The following PPARG variants were observed in gnomAD, a reference collection of about 807,000 sequenced individuals.
PPARG encodes the protein peroxisome proliferator activated receptor gamma.
PPARG carries 17 observed loss-of-function variants against 39.2 expected under a neutral mutation model. That is an observed-to-expected ratio of 0.43 (90% CI 0.30 to 0.65). The LOEUF is 0.65. PPARG is among the 30% of genes least tolerant of loss of function. PPARG has a pLI of 0.13. For missense variants in PPARG, 406 were observed against 585.9 expected (o/e 0.69, Z 3.17); for synonymous variants, 223 against 215.7 (o/e 1.03, Z -0.30).
intron 1 of PPARG, among the ~76,000 whole-genome samples, chr3:12,299,203 T>C (rs916947207): frequency 2.0e-5 from 3 of 152,166 alleles, no homozygotes; most frequent in Non-Finnish European, 4.4e-5. Flanking sequence ...CCACAAGCTG[T>C]TTCAGATAAG....
chr3:12,421,411 G>A (rs1201021252), intron 7 of PPARG, among the ~76,000 whole-genome samples: 1 of 152,192 alleles, frequency 6.6e-6, no homozygotes, highest in East Asian at 1.9e-4. Context: ...TGGCGCCGCA[G>A]CATCATGCCA....
intron 2 of PPARG, among the ~76,000 whole-genome samples, chr3:12,378,492 A>G (rs1367036056): frequency 1.3e-5 from 2 of 152,198 alleles, no homozygotes; most frequent in South Asian, 4.1e-4. Context: ...AGCCTTAAAA[A>G]GAGAAGGAAA....
At chr3:12,417,694 G>T (rs2051109459) in intron 7 of PPARG, among the ~76,000 whole-genome samples, 1 of 152,046 alleles carries the variant, frequency 6.6e-6, no homozygotes, top group African/African-American at 2.4e-5. Context: ...TCCTCTGATG[G>T]CTTCCCTTAA....
At chr3:12,342,347 C>G (rs2048207137) in intron 2 of PPARG, among the ~76,000 whole-genome samples, 1 of 152,062 alleles carries the variant, frequency 6.6e-6, no homozygotes, top group Non-Finnish European at 1.5e-5. Context: ...AGTAGTCATG[C>G]TAGATTTAAA....
At chr3:12,418,126 C>G (rs1001582250) in intron 7 of PPARG, among the ~76,000 whole-genome samples, 11 of 151,696 alleles carry the variant, frequency 7.3e-5, no homozygotes, top group African/African-American at 2.7e-4. Flanking sequence ...ACCAACATGC[C>G]CTGCTAATTT....
At chr3:12,325,469 T>C (rs1042325315) in intron 2 of PPARG, among the ~76,000 whole-genome samples, 2 of 151,640 alleles carry the variant, frequency 1.3e-5, no homozygotes, top group African/African-American at 4.9e-5. Flanking sequence ...AGTGTCGTGG[T>C]GTGCACCTGT....
At position 12,379,771 on chromosome 3, in the gene PPARG, C is replaced by G. The variant is rs1034194246; in HGVS notation, c.60C>G (p.Leu20=). Residue 20 remains leucine (L), a synonymous_variant, in exon 3 of 8, where the codon CTC becomes CTG. Coordinates refer to ENST00000651735, the MANE Select transcript of PPARG (RefSeq NM_138711.6). ...PTNFGISSVD[L]SVMEDHSHSF... is the part of the protein sequence containing the mutation. ...ACTTTGGGATCAGCTCCGTGGATCTCTCCGTAATGGAAGACCACTCCCACT... is the reference window on the plus strand; with the variant it reads ...ACTTTGGGATCAGCTCCGTGGATCTGTCCGTAATGGAAGACCACTCCCACT... 6.2e-7 allele frequency: 1 copy of G among 1,614,018 alleles called. No homozygotes were observed.
intron 2 of PPARG, among the ~76,000 whole-genome samples, chr3:12,329,578 A>G (rs1173426859): frequency 1.3e-5 from 2 of 152,194 alleles, no homozygotes; most frequent in Non-Finnish European, 2.9e-5. Flanking sequence ...GCAGTTTTAG[A>G]TGTCGAACCA....
intron 2 of PPARG, among the ~76,000 whole-genome samples, chr3:12,348,979 A>G (rs987226741): frequency 1.3e-5 from 2 of 152,216 alleles, no homozygotes; most frequent in African/African-American, 4.8e-5. Flanking sequence ...AGTCACGTGC[A>G]TGTCTTATAA....
At chr3:12,321,452 C>T (rs1017742186) in intron 2 of PPARG, among the ~76,000 whole-genome samples, 3 of 152,090 alleles carry the variant, frequency 2.0e-5, no homozygotes, top group Admixed American at 1.3e-4. Flanking sequence ...AGGGTGGAGG[C>T]GGAGGGAGAC....
intron 2 of PPARG, among the ~76,000 whole-genome samples, chr3:12,369,419 G>A (rs1271708362): frequency 6.6e-6 from 1 of 152,126 alleles, no homozygotes; most frequent in South Asian, 2.1e-4. Context: ...TCGAGCCCGG[G>A]AGTTTGAGGC....
chr3:12,288,737 G>A (rs2046573024), upstream of PPARG: 2 of 152,326 alleles, frequency 1.3e-5, no homozygotes, highest in East Asian at 3.9e-4. Flanking sequence ...CCCGGCGGAG[G>A]GGCTGGGGAC....
chr3:12,310,021 C>T (rs2047181051), intron 1 of PPARG, among the ~76,000 whole-genome samples: 1 of 152,134 alleles, frequency 6.6e-6, no homozygotes, highest in African/African-American at 2.4e-5. Context: ...AACGGCAATC[C>T]TTGGTGTCTA....
intron 2 of PPARG, among the ~76,000 whole-genome samples, chr3:12,329,582 C>T (rs766619764): frequency 6.6e-6 from 1 of 152,010 alleles, no homozygotes; most frequent in Non-Finnish European, 1.5e-5. Context: ...TTTTAGATGT[C>T]GAACCAGTAA....
chr3:12,424,681 C>T (rs2051377396), intron 7 of PPARG, among the ~76,000 whole-genome samples: 1 of 152,182 alleles, frequency 6.6e-6, no homozygotes, highest in African/African-American at 2.4e-5. Flanking sequence ...AGGCATCACT[C>T]AGTCCTGGAG....
Position 12,417,012 on chromosome 3 carries a change from G to T in PPARG, c.1038G>T (p.Met346Ile). 6.2e-7 allele frequency: 1 copy of T among 1,613,678 alleles called. No individual in the cohort carries two copies. Among genetic ancestry groups the T allele is most frequent in the South Asian group, 1.1e-5 (1 of 91,052 alleles). ...TCATATCCGAGGGCCAAGGCTTCAT[G>T]ACAAGGGAGTTTCTAAAGAGCCTGC... is the stretch of plus-strand genomic sequence containing the variant. ...GVLISEGQGF[M>I]TREFLKSLRK... The change falls in exon 7 of 8, where the codon ATG becomes ATT. Residue 346 changes from methionine to isoleucine, a missense_variant. Around this residue, in one of 2 missense-constraint regions of PPARG, gnomAD observed 275 missense variants for 458.0 expected, o/e 0.60. Transcript: ENST00000651735.
intron 7 of PPARG, among the ~76,000 whole-genome samples, chr3:12,433,494 T>C (rs1219620110): frequency 2.0e-5 from 3 of 147,426 alleles, no homozygotes; most frequent in South Asian, 2.1e-4. Flanking sequence ...GCCGACGTCA[T>C]GCCACTGCAC....
chr3:12,350,797 A>G (rs12486170), intron 2 of PPARG, among the ~76,000 whole-genome samples: 37,477 of 152,230 alleles, frequency 0.25, 5,374 homozygotes, highest in Middle Eastern at 0.34. Flanking sequence ...TTGATGTTCA[A>G]ACATCAGCTG....
chr3:12,407,327 A>AT (rs907830770), intron 6 of PPARG, among the ~76,000 whole-genome samples: 1 of 151,906 alleles, frequency 6.6e-6, no homozygotes, highest in Non-Finnish European at 1.5e-5. Context: ...TGCCCAGCTA[A>AT]TTTTTTTGTA....
Sources: gnomAD v4.1 joint callset for allele counts (sites outside exome capture counted in the v4.1 genomes callset) on GRCh38, gnomAD v4.1.1 for gene constraint, gnomAD v4.1.1 regional missense constraint, MANE v1.5 for transcripts, NCBI Gene and HGNC (gene_info 2026-07-23, HGNC 2026-07-21) for gene names.